The following PCNT variants were observed in gnomAD, a reference collection of about 807,000 sequenced individuals.
PCNT encodes the protein kendrin.
Under a neutral mutation model 380.4 loss-of-function variants are expected in PCNT, and 319 were observed. That is an observed-to-expected ratio of 0.84 (90% CI 0.77 to 0.92). The LOEUF is 0.92. Among genes scored for constraint, PCNT ranks in the 40% least tolerant of loss-of-function variants. PCNT has a pLI of 0.00. For missense variants in PCNT, 4,400 were observed against 4,255.3 expected (o/e 1.03, Z -0.95); for synonymous variants, 1,845 against 1,735.2 (o/e 1.06, Z -1.57).
chr21:46,367,286 C>G, intron 15 of PCNT, 147 bp downstream of exon 15: 1 of 632,858 alleles, frequency 1.6e-6, no homozygotes, highest in Non-Finnish European at 2.7e-6. Context: ...TCAGTGGGGA[C>G]TTCTGGTCTC....
At chr21:46,427,938 T>A (rs2073374) in intron 34 of PCNT, 143 bp downstream of exon 34, 2 of 878,614 alleles carry the variant, frequency 2.3e-6, no homozygotes, top group South Asian at 1.5e-5. Context: ...CTTACCCAGG[T>A]GTTGACGCTC....
chr21:46,442,701 A>G (rs897846941), intron 44 of PCNT, 128 bp downstream of exon 44: 1 of 734,100 alleles, frequency 1.4e-6, no homozygotes, highest in Non-Finnish European at 2.4e-6. Context: ...AAATCCGTGA[A>G]TTCCGTCAGA....
chr21:46,377,031 G>C (rs2085350640), intron 15 of PCNT, among the ~76,000 whole-genome samples: 1 of 152,204 alleles, frequency 6.6e-6, no homozygotes, highest in African/African-American at 2.4e-5. Flanking sequence ...GCAAGTTCCA[G>C]GCCGGCGCGG....
At chr21:46,439,516 C>T (rs570480946) in intron 41 of PCNT, among the ~76,000 whole-genome samples, 2 of 152,320 alleles carry the variant, frequency 1.3e-5, no homozygotes, top group African/African-American at 2.4e-5. Context: ...ACTCTTAAGT[C>T]ATCTCTAAGA....
chr21:46,377,973 G>A (rs763901796), intron 15 of PCNT, among the ~76,000 whole-genome samples: 3 of 152,118 alleles, frequency 2.0e-5, no homozygotes, highest in Non-Finnish European at 2.9e-5. Context: ...CTCAGCGTGT[G>A]CCCTCGGTGT....
rs773760876 is a variant in PCNT, at chr21:46,394,584, G to C, written c.4217-2681G>C. The C allele has an allele frequency of 4.4e-5, 42 of 958,476 alleles. 1 individual carries two copies. The highest frequency in any genetic ancestry group is 1.0e-3 in the Middle Eastern group (2 of 1,908). 59.4% of individuals were successfully genotyped at this position (958,476 alleles called of 1,614,324 possible). On this transcript the variant is annotated intron_variant, in intron 21 of 46. Coordinates refer to ENST00000359568, the MANE Select transcript of PCNT (RefSeq NM_006031.6). ...TTTGTGTGTGACGTGCTGTTTGTTT[G>C]CACTGGATTTTGCAAATTATTTACT...
intron 17 of PCNT, among the ~76,000 whole-genome samples, chr21:46,387,045 G>A (rs1428290899): frequency 6.6e-6 from 1 of 152,170 alleles, no homozygotes; most frequent in Non-Finnish European, 1.5e-5. Context: ...CCGTCTTTGT[G>A]TCCCCACTCG....
rs750149641 is a variant in PCNT at position 46,353,138 on chromosome 21, T to G, written c.1491T>G (p.Arg497=). The G allele has an allele frequency of 1.6e-5, 26 of 1,613,952 alleles. No individual in the cohort carries two copies. In the Admixed American group the frequency reaches 3.7e-4, roughly 23 times the overall value. ...LHEQLLARTS[R]VEDLEQLKQR... is the part of the protein sequence containing the mutation. ...AGCAACTCCTGGCGCGCACCTCTCG[T>G]GTGGAAGATTTAGAACAGCTGAAGC... The change falls in exon 10 of 47, where the codon CGT becomes CGG. Residue 497 remains arginine (R), a synonymous_variant. Transcript: ENST00000359568.
Position 46,436,469 on chromosome 21 carries a change from G to GCCCCCCCCCCCCCCCCCCCCCC in PCNT, c.8996+321_8996+322insCCCCCCCCCCCCCCCCCCCCCC, listed in dbSNP as rs769557050. 4.0e-4 allele frequency among the ~76,000 whole-genome samples: 16 copies of GCCCCCCCCCCCCCCCCCCCCCC among 40,034 alleles called. 6 individuals are homozygous for GCCCCCCCCCCCCCCCCCCCCCC. The highest frequency in any genetic ancestry group is 8.7e-4 in the Non-Finnish European group (15 of 17,222). The allele number at this position is 40,034 out of a possible 152,430, so 26.3% of individuals were successfully genotyped here. On this transcript the variant is annotated intron_variant, in intron 39 of 46. Coordinates refer to ENST00000359568, the MANE Select transcript of PCNT (RefSeq NM_006031.6). Reference sequence around the variant, plus strand: ...CAGGGTCGGGTTTGGAGCCTCCTGTGGCCCCCCCCCCCCCCCCCCGCTGGC... The same window carrying GCCCCCCCCCCCCCCCCCCCCCC: ...CAGGGTCGGGTTTGGAGCCTCCTGTGCCCCCCCCCCCCCCCCCCCCCCGCCCCCCCCCCCCCCCCCCGCTGGC...
At position 46,411,278 on chromosome 21, in the gene PCNT, A is replaced by G. The variant is rs1207070354; in HGVS notation, c.5205A>G (p.Lys1735=). Reference sequence around the variant, plus strand: ...ATCAGAAACGATTACAAAAGGAGAAAGCAGAGGAAATTGAACAACTCCATG... The same window carrying G: ...ATCAGAAACGATTACAAAAGGAGAAGGCAGAGGAAATTGAACAACTCCATG... ...QENQKRLQKE[K]AEEIEQLHEV... is the part of the protein sequence containing the mutation. Residue 1735 remains lysine, a synonymous_variant, in exon 28 of 47, where the codon AAA becomes AAG. Coordinates refer to ENST00000359568, the MANE Select transcript of PCNT (RefSeq NM_006031.6). 1.2e-6 allele frequency: 2 copies of G among 1,614,116 alleles called. No homozygotes were observed. Among genetic ancestry groups the G allele is most frequent in the African/African-American group, 1.3e-5 (1 of 74,946 alleles).
At chr21:46,374,228 CT>C (rs953942515) in intron 15 of PCNT, among the ~76,000 whole-genome samples, 13 of 152,148 alleles carry the variant, frequency 8.5e-5, no homozygotes, top group African/African-American at 2.7e-4. Context: ...ATCAGTCCCC[CT>C]CTCCTCCTGA....
chr21:46,410,949 C>T (rs987066416), intron 27 of PCNT, among the ~76,000 whole-genome samples: 3 of 152,232 alleles, frequency 2.0e-5, no homozygotes, highest in Admixed American at 6.5e-5. Context: ...TGGAAAATGA[C>T]TGCATTAGAG....
intron 29 of PCNT, 112 bp from the exon 30 acceptor site, chr21:46,415,957 G>A (rs1009778531): frequency 3.2e-5 from 30 of 943,734 alleles, no homozygotes; most frequent in Middle Eastern, 2.8e-4. Context: ...GGCTCATTGT[G>A]GAATCACCCG....
intron 43 of PCNT, among the ~76,000 whole-genome samples, chr21:46,441,961 C>T (rs937862838): frequency 6.6e-5 from 10 of 152,188 alleles, no homozygotes; most frequent in South Asian, 2.1e-4. Flanking sequence ...ATGCTTGTTC[C>T]GAAGGCCATC....
chr21:46,334,937 T>G (rs1236719965), intron 3 of PCNT, among the ~76,000 whole-genome samples, 169 bp downstream of exon 3: 3 of 152,232 alleles, frequency 2.0e-5, no homozygotes, highest in African/African-American at 7.2e-5. Flanking sequence ...AGGCCCCACG[T>G]GCTGCCGCCT....
At chr21:46,332,016 C>T (rs926309300) in intron 2 of PCNT, among the ~76,000 whole-genome samples, 5 of 152,204 alleles carry the variant, frequency 3.3e-5, no homozygotes, top group South Asian at 2.1e-4. Context: ...AAAAATTAGC[C>T]GGGTCTCATG....
At chr21:46,399,488 G>C in intron 24 of PCNT, 102 bp from the exon 25 acceptor site, 1 of 834,058 alleles carries the variant, frequency 1.2e-6, no homozygotes, top group Non-Finnish European at 2.0e-6. Context: ...GAGGGCATAG[G>C]GCATCTATTT....
intron 12 of PCNT, among the ~76,000 whole-genome samples, chr21:46,356,243 G>A (rs1020575134): frequency 5.9e-5 from 9 of 152,216 alleles, no homozygotes; most frequent in African/African-American, 2.2e-4. Flanking sequence ...CTGAGGCCGC[G>A]GGTCCTGCTG....
At position 46,431,604 on chromosome 21, in the gene PCNT, G is replaced by T; in HGVS notation, c.8140G>T (p.Ala2714Ser). ...CGTGGCACTGAAACACGAGCAGACG[G>T]CCAAGGACAACCTGCAGAAGGAGCT... ...LCVALKHEQT[A>S]KDNLQKELRI... is the part of the protein sequence containing the mutation. Residue 2714 changes from alanine to serine, a missense_variant, in exon 38 of 47, where the codon GCC becomes TCC. Coordinates refer to ENST00000359568, the MANE Select transcript of PCNT (RefSeq NM_006031.6). The T allele has an allele frequency of 2.5e-6, 4 of 1,614,072 alleles. No homozygotes were observed. Among genetic ancestry groups the T allele is most frequent in the South Asian group, 1.1e-5 (1 of 91,090 alleles).
Sources: gnomAD v4.1 joint callset for allele counts (sites outside exome capture counted in the v4.1 genomes callset) on GRCh38, gnomAD v4.1.1 for gene constraint, MANE v1.5 for transcripts, NCBI Gene and HGNC (gene_info 2026-07-23, HGNC 2026-07-21) for gene names.